ANKRD49: variants seen among roughly 807,000 people sequenced by gnomAD.
ANKRD49 encodes ankyrin repeat domain-containing protein 49.
In ANKRD49, 18 loss-of-function variants were observed where a neutral mutation model predicts 19.6. The ratio of observed to expected loss-of-function variants is 0.92; its 90% CI spans 0.63 to 1.36. The LOEUF (loss-of-function observed/expected upper bound fraction) is 1.36. Among genes scored for constraint, ANKRD49 ranks in the 40% most tolerant of loss-of-function variants. The probability of loss-of-function intolerance (pLI) is 0.00; values close to 1 mark genes in which losing one functional copy is unlikely to be tolerated. For missense variants in ANKRD49, 218 were observed against 281.6 expected, an observed-to-expected ratio of 0.77 and a Z score of 1.62; for synonymous variants, 88 against 101.8, an observed-to-expected ratio of 0.86 and a Z score of 0.82.
At chr11:94,496,987 A>C in intron 2 of ANKRD49, 36 bp downstream of exon 2, 1 of 1,610,066 alleles carries the variant, frequency 6.2e-7, no homozygotes, top group Non-Finnish European at 8.5e-7. Flanking sequence ...GTGTGACAGT[A>C]GGAAAAGCAC....
chr11:94,497,571 T>G (rs1213994360), intron 2 of ANKRD49: 1 of 156,312 alleles, frequency 6.4e-6, no homozygotes, highest in Non-Finnish European at 1.4e-5. Flanking sequence ...AAAAGGTTGT[T>G]TCTAAGGTTG....
intron 1 of ANKRD49, among the ~76,000 whole-genome samples, chr11:94,495,237 T>C (rs945735473): frequency 6.6e-6 from 1 of 152,200 alleles, no homozygotes; most frequent in Non-Finnish European, 1.5e-5. Context: ...GAAATCAGTA[T>C]CTTGGGGTTA....
chr11:94,498,037 G>A (rs774433026), intron 2 of ANKRD49, 34 bp from the exon 3 acceptor site: 11 of 1,495,078 alleles, frequency 7.4e-6, no homozygotes, highest in Non-Finnish European at 8.1e-6. Flanking sequence ...TTTGGTTTGA[G>A]TTGAGTTGAA....
In ANKRD49 at chr11:94,498,609, A is replaced by G. The variant is rs1346828706; in HGVS notation, c.*77A>G. The G allele has an allele frequency of 1.1e-5, 14 of 1,264,010 alleles. No homozygotes were observed. Among genetic ancestry groups the G allele is most frequent in the Non-Finnish European group, 1.3e-5 (12 of 904,862 alleles). The allele number at this position is 1,264,010 out of a possible 1,614,324, so 78.3% of individuals were successfully genotyped here. On this transcript the variant is annotated 3_prime_UTR_variant, in exon 3 of 3. Coordinates refer to ENST00000544612, the MANE Select transcript of ANKRD49 (RefSeq NM_017704.3). ...AGATGTATTCCCATAATCAAAGTTGACGTCAAACATCTTACTACAAAAATT... is the reference window on the plus strand; with the variant it reads ...AGATGTATTCCCATAATCAAAGTTGGCGTCAAACATCTTACTACAAAAATT...
chr11:94,498,273 C>G lies in ANKRD49; in HGVS notation c.461C>G (p.Thr154Ser), dbSNP rs747183183. Residue 154 changes from threonine (T) to serine (S), a missense_variant, in exon 3 of 3, where the codon ACC becomes AGC. By Grantham distance (58) the Thr-to-Ser change is moderately conservative. Transcript: ENST00000544612. ...CACAGTGCTTGTAAGTGGAATAATA[C>G]CAGAGTGGCTTCTTTCTTACTGCAG... The part of the protein sequence containing the change: ...PLHSACKWNN[T>S]RVASFLLQHD... 1.2e-5 allele frequency: 19 copies of G among 1,614,010 alleles called. No individual in the cohort carries two copies. In the East Asian group the frequency reaches 3.6e-4, roughly 30 times the overall value.
rs908094492 is a variant in ANKRD49 at position 94,499,481 on chromosome 11, C to A, written c.*949C>A. The A allele has an allele frequency of 1.3e-5, 2 of 151,614 alleles. No individual in the cohort carries two copies. The highest frequency in any genetic ancestry group is 4.8e-5 in the African/African-American group (2 of 41,278). The allele number at this position is 151,614 out of a possible 1,614,324, so 9.4% of individuals were successfully genotyped here. On this transcript the variant is annotated 3_prime_UTR_variant, in exon 3 of 3. Coordinates refer to ENST00000544612, the MANE Select transcript of ANKRD49 (RefSeq NM_017704.3). Reference sequence around the variant, plus strand: ...GATTATTATATTGAGGCTAAAACCACAAAGTGGCTCAGGCTTTAAAAAAAA... The same window carrying A: ...GATTATTATATTGAGGCTAAAACCAAAAAGTGGCTCAGGCTTTAAAAAAAA...
chr11:94,496,953 T>TA lies in ANKRD49; in HGVS notation c.258+13dup, dbSNP rs750258320. 1.2e-3 allele frequency: 1,539 copies of TA among 1,330,364 alleles called. 1 individual carries two copies. Among genetic ancestry groups the TA allele is most frequent in the East Asian group, 2.0e-3 (78 of 38,468 alleles). 82.4% of individuals were successfully genotyped at this position (1,330,364 alleles called of 1,614,324 possible). On this transcript the variant is annotated splice_region_variant and intron_variant, in intron 2 of 2. Coordinates refer to ENST00000544612, the MANE Select transcript of ANKRD49 (RefSeq NM_017704.3). ...CTTTGGGCTGCTGAAAAAAATCGGG[T>TA]AAAAAAAAAAATTACAGAGGGAAGT...
In ANKRD49 at chr11:94,498,127, T is replaced by C; in HGVS notation, c.315T>C (p.Asp105=). 6.2e-7 allele frequency: 1 copy of C among 1,614,088 alleles called. No individual in the cohort carries two copies. The highest frequency in any genetic ancestry group is 8.5e-7 in the Non-Finnish European group (1 of 1,180,028). ...SEKATHVNTR[D]EDEYTPLHRA... ...AGGCCACTCACGTGAACACTAGGGATGAAGATGAGTATACCCCTCTTCATC... is the reference window on the plus strand; with the variant it reads ...AGGCCACTCACGTGAACACTAGGGACGAAGATGAGTATACCCCTCTTCATC... Residue 105 remains aspartate, a synonymous_variant, in exon 3 of 3, where the codon GAT becomes GAC. Coordinates refer to ENST00000544612, the MANE Select transcript of ANKRD49 (RefSeq NM_017704.3).
intron 2 of ANKRD49, 147 bp from the exon 3 acceptor site, chr11:94,497,924 A>T: frequency 3.2e-6 from 2 of 629,754 alleles, no homozygotes; most frequent in Non-Finnish European, 5.3e-6. Flanking sequence ...CCCCAAAAAG[A>T]GATCTTAAAT....
At position 94,498,621 on chromosome 11, in the gene ANKRD49, T is replaced by G; in HGVS notation, c.*89T>G. The G allele has an allele frequency of 8.7e-7, 1 of 1,155,658 alleles. No homozygotes were observed. Among genetic ancestry groups the G allele is most frequent in the Non-Finnish European group, 1.2e-6 (1 of 809,608 alleles). 71.6% of individuals were successfully genotyped at this position (1,155,658 alleles called of 1,614,324 possible). A position where few individuals can be genotyped will look rare whatever the true frequency, so the allele number is the denominator to read the frequency against. ...ATAATCAAAGTTGACGTCAAACATC[T>G]TACTACAAAAATTCAGTGACATTCA... On this transcript the variant is annotated 3_prime_UTR_variant, in exon 3 of 3. Coordinates refer to ENST00000544612, the MANE Select transcript of ANKRD49 (RefSeq NM_017704.3).
At position 94,498,467 on chromosome 11, in the gene ANKRD49, A is replaced by G. The variant is rs1249435869; in HGVS notation, c.655A>G (p.Thr219Ala). 2.5e-6 allele frequency: 4 copies of G among 1,613,836 alleles called. No homozygotes were observed. The highest frequency in any genetic ancestry group is 3.4e-6 in the Non-Finnish European group (4 of 1,179,862). ...AACTGCATTTGATATTGCCAGGAGG[A>G]CAAGTATCTATCACTACCTCTTTGA... ...EETAFDIARR[T>A]SIYHYLFEIV... is the part of the protein sequence containing the mutation. The change falls in exon 3 of 3, where the codon ACA (threonine) becomes GCA (alanine). Residue 219 changes from threonine to alanine, a missense_variant. Thr to Ala is a moderately conservative substitution (Grantham distance 58). Coordinates refer to ENST00000544612, the MANE Select transcript of ANKRD49 (RefSeq NM_017704.3).
chr11:94,494,446 C>T (rs1947380013), intron 1 of ANKRD49, among the ~76,000 whole-genome samples: 1 of 152,184 alleles, frequency 6.6e-6, no homozygotes, highest in Admixed American at 6.5e-5. Context: ...ATTGAAGGGT[C>T]CTTGATCTAG....
rs2509943 is a variant in ANKRD49 at position 94,498,091 on chromosome 11, C to A, written c.279C>A (p.Leu93=). The change falls in exon 3 of 3, where the codon CTC becomes CTA. Residue 93 remains leucine, a synonymous_variant. Transcript: ENST00000544612. ...EKNRLTTVRR[L]LSEKATHVNT... is the part of the protein sequence containing the mutation. ...CTCAGCTTACCACAGTGCGGAGACT[C>A]CTTTCTGAAAAGGCCACTCACGTGA... 1.2e-6 allele frequency: 2 copies of A among 1,610,214 alleles called. No homozygotes were observed. Among genetic ancestry groups the A allele is most frequent in the South Asian group, 2.2e-5 (2 of 90,876 alleles).
chr11:94,498,624 C>A lies in ANKRD49; in HGVS notation c.*92C>A. On this transcript the variant is annotated 3_prime_UTR_variant, in exon 3 of 3. Transcript: ENST00000544612. ...ATCAAAGTTGACGTCAAACATCTTACTACAAAAATTCAGTGACATTCATTA... is the reference window on the plus strand; with the variant it reads ...ATCAAAGTTGACGTCAAACATCTTAATACAAAAATTCAGTGACATTCATTA... 1 of 1,129,646 alleles carries A rather than the reference C, an allele frequency of 8.9e-7. No homozygotes were observed. The highest frequency in any genetic ancestry group is 1.3e-6 in the Non-Finnish European group (1 of 786,794). The allele number at this position is 1,129,646 out of a possible 1,614,324, so 70.0% of individuals were successfully genotyped here. A position where few individuals can be genotyped will look rare whatever the true frequency, so the allele number is the denominator to read the frequency against.
chr11:94,495,642 G>A (rs1000055780), intron 1 of ANKRD49, among the ~76,000 whole-genome samples: 15 of 152,182 alleles, frequency 9.9e-5, no homozygotes, highest in Admixed American at 5.2e-4. Flanking sequence ...TATATGTTGT[G>A]TAACCCTTTA....
In ANKRD49 at chr11:94,496,903, G is replaced by T; in HGVS notation, c.210G>T (p.Met70Ile). The change falls in exon 2 of 3, where the codon ATG becomes ATT. Residue 70 changes from methionine (M) to isoleucine (I), a missense_variant. Physicochemically the swap from Met to Ile is conservative, Grantham distance 10. Coordinates refer to ENST00000544612, the MANE Select transcript of ANKRD49 (RefSeq NM_017704.3). ...GGTATCGATTGCAAGAAAAAAAAATGGAAAAAGACCCAAGCAGATTGCTTC... is the reference window on the plus strand; with the variant it reads ...GGTATCGATTGCAAGAAAAAAAAATTGAAAAAGACCCAAGCAGATTGCTTC... ...EEWYRLQEKK[M>I]EKDPSRLLLW... is the part of the protein sequence containing the mutation. The T allele has an allele frequency of 6.2e-7, 1 of 1,613,560 alleles. No homozygotes were observed. The highest frequency in any genetic ancestry group is 8.5e-7 in the Non-Finnish European group (1 of 1,179,920).
At position 94,496,916 on chromosome 11, in the gene ANKRD49, A is replaced by T. The variant is rs1565246333; in HGVS notation, c.223A>T (p.Ser75Cys). The T allele has an allele frequency of 6.2e-7, 1 of 1,613,842 alleles. No homozygotes were observed. Among genetic ancestry groups the T allele is most frequent in the East Asian group, 2.2e-5 (1 of 44,860 alleles). ...LQEKKMEKDP[S>C]RLLLWAAEKN... ...AGAAAAAAAAATGGAAAAAGACCCA[A>T]GCAGATTGCTTCTTTGGGCTGCTGA... is the stretch of plus-strand genomic sequence containing the variant. The change falls in exon 2 of 3, where the codon AGC becomes TGC. Residue 75 changes from serine (S) to cysteine (C), a missense_variant. Coordinates refer to ENST00000544612, the MANE Select transcript of ANKRD49 (RefSeq NM_017704.3).
chr11:94,497,216 A>G, intron 2 of ANKRD49: 1 of 535,866 alleles, frequency 1.9e-6, no homozygotes, highest in Non-Finnish European at 3.3e-6. Flanking sequence ...ATCATTTAGG[A>G]AAGAGAGGAT....
intron 1 of ANKRD49, among the ~76,000 whole-genome samples, chr11:94,495,899 C>T (rs1355468234): frequency 6.6e-6 from 1 of 152,110 alleles, no homozygotes; most frequent in African/African-American, 2.4e-5. Context: ...ATTATTGAAT[C>T]CCAGTACCCA....
Sources: gnomAD v4.1 joint callset for allele counts (sites outside exome capture counted in the v4.1 genomes callset) on GRCh38, gnomAD v4.1.1 for gene constraint, MANE v1.5 for transcripts, NCBI Gene and HGNC (gene_info 2026-07-23, HGNC 2026-07-21) for gene names.